Variants in PLD1 observed in about 807,000 individuals in gnomAD.
The protein encoded by PLD1 is phospholipase D1.
PLD1 carries 112 observed loss-of-function variants against 137.1 expected under a neutral mutation model. The observed-to-expected ratio is 0.82, with a 90% CI of 0.70 to 0.96. PLD1 has a LOEUF of 0.96. PLD1 is among the 40% of genes least tolerant of loss of function. The pLI, the probability that PLD1 is intolerant of heterozygous loss-of-function variation, is 0.00. For synonymous variants in PLD1, 431 were observed against 454.7 expected, an observed-to-expected ratio of 0.95 and a Z score of 0.66; for missense variants, 1,321 against 1,342.0, an observed-to-expected ratio of 0.98 and a Z score of 0.24.
intron 21 of PLD1, among the ~76,000 whole-genome samples, chr3:171,647,355 AT>A (rs889381920): frequency 1.3e-5 from 2 of 152,090 alleles, no homozygotes; most frequent in African/African-American, 4.8e-5. Flanking sequence ...TATTACATAC[AT>A]TTTTTTCTTT....
chr3:171,609,990 C>A (rs1183037269), intron 25 of PLD1, among the ~76,000 whole-genome samples: 2 of 152,014 alleles, frequency 1.3e-5, no homozygotes, highest in African/African-American at 4.8e-5. Flanking sequence ...TTATACATGG[C>A]TAATAAACAT....
intron 6 of PLD1, 21 bp from the exon 7 acceptor site, chr3:171,726,097 C>T (rs760247568): frequency 6.4e-7 from 1 of 1,559,698 alleles, no homozygotes; most frequent in East Asian, 2.2e-5. Context: ...GCAAAAAATC[C>T]ATCTTTAGCA....
At chr3:171,738,682 G>A (rs1474401417) in intron 1 of PLD1, among the ~76,000 whole-genome samples, 1 of 152,150 alleles carries the variant, frequency 6.6e-6, no homozygotes, top group Non-Finnish European at 1.5e-5. Context: ...TGTCTTGAAA[G>A]GAAATTGATT....
At chr3:171,743,627 A>C (rs1285492370) in intron 1 of PLD1, among the ~76,000 whole-genome samples, 2 of 152,180 alleles carry the variant, frequency 1.3e-5, no homozygotes, top group Non-Finnish European at 2.9e-5. Flanking sequence ...CATCCTTTGC[A>C]ACTTTGATGA....
At chr3:171,682,106 GAAAA>G (rs757771795) in intron 16 of PLD1, among the ~76,000 whole-genome samples, 2 of 48,332 alleles carry the variant, frequency 4.1e-5, no homozygotes, top group South Asian at 7.1e-4. Context: ...AATACAGAAA[GAAAA>G]AGAAAGAAAG....
intron 23 of PLD1, among the ~76,000 whole-genome samples, chr3:171,626,178 C>T (rs542720574): frequency 1.4e-3 from 213 of 152,230 alleles, no homozygotes; most frequent in African/African-American, 5.0e-3. Context: ...GAGCTGAAAG[C>T]CAAGGCTCGA....
At chr3:171,614,323 T>G (rs1265660794) in intron 24 of PLD1, among the ~76,000 whole-genome samples, 1 of 152,196 alleles carries the variant, frequency 6.6e-6, no homozygotes, top group African/African-American at 2.4e-5. Context: ...TGCTATAAAA[T>G]TTGCAGCTAT....
At chr3:171,792,698 G>A (rs1338284517) in intron 1 of PLD1, 2 of 456,678 alleles carry the variant, frequency 4.4e-6, no homozygotes, top group Admixed American at 4.7e-5. Flanking sequence ...GGCTCCTGGT[G>A]ACAAAAGGAG....
chr3:171,739,884 T>C (rs1719643966), intron 1 of PLD1, among the ~76,000 whole-genome samples: 1 of 152,218 alleles, frequency 6.6e-6, no homozygotes, highest in African/African-American at 2.4e-5. Context: ...CTCTATTCTT[T>C]GTAGATATGT....
At chr3:171,658,396 C>T (rs1191231734) in intron 21 of PLD1, among the ~76,000 whole-genome samples, 1 of 152,072 alleles carries the variant, frequency 6.6e-6, no homozygotes, top group African/African-American at 2.4e-5. Context: ...AAAGTAGAAA[C>T]AACCCAAATG....
chr3:171,777,775 T>C (rs1722640198), intron 1 of PLD1, among the ~76,000 whole-genome samples: 2 of 152,168 alleles, frequency 1.3e-5, no homozygotes, highest in Non-Finnish European at 2.9e-5. Flanking sequence ...CTACAAAGCA[T>C]TTTCAGGTCA....
intron 1 of PLD1, among the ~76,000 whole-genome samples, chr3:171,772,742 T>C (rs1377177760): frequency 6.6e-6 from 1 of 152,232 alleles, no homozygotes; most frequent in Non-Finnish European, 1.5e-5. Context: ...AAGGAGCAGC[T>C]ATGCGAGCAC....
At chr3:171,699,520 G>C (rs2108540845) in intron 12 of PLD1, among the ~76,000 whole-genome samples, 1 of 152,200 alleles carries the variant, frequency 6.6e-6, no homozygotes, top group Admixed American at 6.5e-5. Flanking sequence ...ATAAGAATTA[G>C]AGATGCTAAC....
intron 8 of PLD1, among the ~76,000 whole-genome samples, chr3:171,722,328 C>A (rs1718191092): frequency 6.6e-6 from 1 of 152,124 alleles, no homozygotes. Context: ...CTGAAGTCTG[C>A]ACAATTTTAC....
chr3:171,791,664 C>T (rs181882725), intron 1 of PLD1: 20 of 152,282 alleles, frequency 1.3e-4, no homozygotes, highest in Admixed American at 4.6e-4. Flanking sequence ...TGTGTTTTCT[C>T]CTCACACTGA....
chr3:171,699,896 C>T, intron 11 of PLD1, 70 bp from the exon 12 acceptor site: 1 of 1,264,398 alleles, frequency 7.9e-7, no homozygotes, highest in South Asian at 1.2e-5. Context: ...TCATAGGAAG[C>T]AAAGGCAATT....
At chr3:171,650,056 CG>C (rs956697866) in intron 21 of PLD1, among the ~76,000 whole-genome samples, 13 of 152,250 alleles carry the variant, frequency 8.5e-5, no homozygotes, top group African/African-American at 3.1e-4. Flanking sequence ...ACTCTGTGAC[CG>C]GAGAAACGAA....
At position 171,769,280 on chromosome 3, in the gene PLD1, T is replaced by C. The variant is rs142477058; in HGVS notation, c.-31-31198A>G. On this transcript the variant is annotated intron_variant, in intron 1 of 26. Coordinates refer to ENST00000351298, the MANE Select transcript of PLD1 (RefSeq NM_002662.5). ...AACACAGAAACTGAGATCCACAAGA[T>C]ACAAATGAGTTTCATGTAAGCTTTT... Among the ~76,000 whole-genome samples, 27 of 152,308 alleles carry C rather than the reference T, an allele frequency of 1.8e-4. No individual in the cohort carries two copies. The East Asian group carries it at 4.0e-3, about 23-fold the overall frequency.
chr3:171,664,277 G>C (rs1407264956), intron 19 of PLD1, among the ~76,000 whole-genome samples: 1 of 152,142 alleles, frequency 6.6e-6, no homozygotes, highest in Non-Finnish European at 1.5e-5. Context: ...AAAGGTTGAA[G>C]AAATAGAAGT....
Sources: gnomAD v4.1 joint callset for allele counts (sites outside exome capture counted in the v4.1 genomes callset) on GRCh38, gnomAD v4.1.1 for gene constraint, MANE v1.5 for transcripts, NCBI Gene and HGNC (gene_info 2026-07-23, HGNC 2026-07-21) for gene names.